Variants in FAT3 observed in about 807,000 individuals in gnomAD.
The protein encoded by FAT3 is protocadherin Fat 3.
Under a neutral mutation model 310.2 loss-of-function variants are expected in FAT3, and 95 were observed. The observed-to-expected ratio is 0.31, with a 90% CI of 0.26 to 0.36. The LOEUF (loss-of-function observed/expected upper bound fraction) is 0.36, where lower values mean the gene tolerates loss of function less well. FAT3 is among the 10% of genes least tolerant of loss of function. The pLI is 1.00. For missense variants in FAT3, 5,408 were observed against 5,715.6 expected (o/e 0.95, Z 1.74); for synonymous variants, 2,314 against 2,192.9 (o/e 1.06, Z -1.54).
At position 92,501,136 on chromosome 11, in the gene FAT3, C is replaced by T. The variant is rs577797818; in HGVS notation, c.3293-23498C>T. ...CATTCCACAAGCTTCAAATAGAAGC[C>T]GCTTTCTATTGTCTTGTACCTTTGG... On this transcript the variant is annotated intron_variant, in intron 2 of 27. Transcript: ENST00000525166. 6.6e-5 allele frequency among the ~76,000 whole-genome samples: 10 copies of T among 152,078 alleles called. No homozygotes were observed. In the South Asian group the frequency reaches 1.0e-3, roughly 16 times the overall value.
chr11:92,853,535 G>C (rs1346244598), intron 19 of FAT3, among the ~76,000 whole-genome samples: 1 of 152,150 alleles, frequency 6.6e-6, no homozygotes, highest in African/African-American at 2.4e-5. Context: ...CCATTCGTCA[G>C]GTCCTGAGTT....
intron 1 of FAT3, among the ~76,000 whole-genome samples, chr11:92,331,521 A>C (rs1353883632): frequency 6.6e-6 from 1 of 152,124 alleles, no homozygotes; most frequent in African/African-American, 2.4e-5. Flanking sequence ...CTTCTTATTA[A>C]AGTGTCTGTC....
intron 2 of FAT3, among the ~76,000 whole-genome samples, chr11:92,409,717 A>C (rs1950210765): frequency 6.6e-6 from 1 of 152,194 alleles, no homozygotes; most frequent in South Asian, 2.1e-4. Context: ...GTTCCATAAG[A>C]TAATGACCAT....
chr11:92,718,543 A>C lies in FAT3; in HGVS notation c.3669+21098A>C, dbSNP rs537252911. Among the ~76,000 whole-genome samples the C allele has an allele frequency of 1.9e-4, 29 of 152,264 alleles. No homozygotes were observed. The East Asian group carries it at 5.6e-3, about 29-fold the overall frequency. ...AAGGCTGTCAGCAGTCAAAATGAAA[A>C]ATGGCATCAATCTTGTTATTACTCT... On this transcript the variant is annotated intron_variant, in intron 4 of 27. Coordinates refer to ENST00000525166, the MANE Select transcript of FAT3 (RefSeq NM_001367949.2).
chr11:92,801,329 C>T lies in FAT3; in HGVS notation c.8316C>T (p.Asp2772=). ...CTATTAAGCTTGACAAACGCCTTGA[C>T]CGTGAAACCAGCCCAGCTTTCCACT... ...TGTIKLDKRL[D]RETSPAFHFK... Residue 2772 remains aspartate (D), a synonymous_variant, in exon 10 of 28, where the codon GAC becomes GAT. Coordinates refer to ENST00000525166, the MANE Select transcript of FAT3 (RefSeq NM_001367949.2). 1.2e-6 allele frequency: 2 copies of T among 1,613,980 alleles called. No homozygotes were observed. The highest frequency in any genetic ancestry group is 1.1e-5 in the South Asian group (1 of 91,082).
At chr11:92,882,502 G>C (rs1022958973) in intron 23 of FAT3, among the ~76,000 whole-genome samples, 1 of 151,152 alleles carries the variant, frequency 6.6e-6, no homozygotes, top group Non-Finnish European at 1.5e-5. Context: ...ACCTGGGAGA[G>C]ATTGGGTTGG....
chr11:92,375,740 C>T (rs1402675859), intron 2 of FAT3, among the ~76,000 whole-genome samples: 1 of 152,092 alleles, frequency 6.6e-6, no homozygotes, highest in Non-Finnish European at 1.5e-5. Flanking sequence ...ATGCCGATGC[C>T]AGAGTTGACT....
At chr11:92,656,092 A>G (rs1942571375) in intron 3 of FAT3, among the ~76,000 whole-genome samples, 1 of 152,174 alleles carries the variant, frequency 6.6e-6, no homozygotes, top group Admixed American at 6.5e-5. Context: ...TGGGGTTATG[A>G]GCCCCTAGAA....
chr11:92,445,276 T>C (rs763474857), intron 2 of FAT3, among the ~76,000 whole-genome samples: 2 of 152,206 alleles, frequency 1.3e-5, no homozygotes, highest in Non-Finnish European at 2.9e-5. Context: ...AGAATCACTT[T>C]AGAATTTTTT....
In FAT3 at chr11:92,822,354, C is replaced by A. The variant is rs998893902; in HGVS notation, c.9482-9268C>A. Among the ~76,000 whole-genome samples the A allele has an allele frequency of 2.4e-4, 37 of 151,734 alleles. 1 individual carries two copies. The highest frequency in any genetic ancestry group is 7.7e-4 in the African/African-American group (32 of 41,390). ...AAGCCTCTGAACTGCTAATTTGGAT[C>A]AGTCTGGATCGAACACTCGGCAATG... On this transcript the variant is annotated intron_variant, in intron 13 of 27. Coordinates refer to ENST00000525166, the MANE Select transcript of FAT3 (RefSeq NM_001367949.2).
chr11:92,463,973 G>A (rs914351865), intron 2 of FAT3, among the ~76,000 whole-genome samples: 1 of 152,114 alleles, frequency 6.6e-6, no homozygotes, highest in Non-Finnish European at 1.5e-5. Context: ...AATAAATGTT[G>A]GATACTAAGC....
At chr11:92,360,692 G>T (rs1948856961) in intron 2 of FAT3, among the ~76,000 whole-genome samples, 1 of 152,140 alleles carries the variant, frequency 6.6e-6, no homozygotes, top group African/African-American at 2.4e-5. Context: ...CTTTAATCAT[G>T]GATAATTGGG....
In FAT3 at chr11:92,441,506, G is replaced by T. The variant is rs183243853; in HGVS notation, c.3293-83128G>T. 1.1e-4 allele frequency among the ~76,000 whole-genome samples: 16 copies of T among 152,294 alleles called. No homozygotes were observed. In the South Asian group the frequency reaches 2.9e-3, roughly 28 times the overall value. ...GTGAATTATAGCCGACCCGCAGATC[G>T]GGAGGGGTGAGTATGACCAACTGGA... On this transcript the variant is annotated intron_variant, in intron 2 of 27. Coordinates refer to ENST00000525166, the MANE Select transcript of FAT3 (RefSeq NM_001367949.2).
intron 2 of FAT3, among the ~76,000 whole-genome samples, chr11:92,481,646 A>T (rs1952230142): frequency 6.6e-6 from 1 of 152,216 alleles, no homozygotes; most frequent in African/African-American, 2.4e-5. Context: ...TAAAACATAA[A>T]TGCTTTGTAC....
rs1472964109 is a variant in FAT3, at chr11:92,890,724, G to A, written c.13381G>A (p.Asp4461Asn). 1 of 1,613,510 alleles carries A rather than the reference G, an allele frequency of 6.2e-7. No individual in the cohort carries two copies. Among genetic ancestry groups the A allele is most frequent in the African/African-American group, 1.3e-5 (1 of 74,882 alleles). ...TCCTCCTCTCCCGGAGGACTTCCCA[G>A]ACCAATATGAGGCCCTGCCACCCTC... ...LPPPLPEDFP[D>N]QYEALPPSQP... is the part of the protein sequence containing the mutation. Residue 4461 changes from aspartate to asparagine, a missense_variant, in exon 28 of 28, where the codon GAC becomes AAC. Asp to Asn is a conservative substitution (Grantham distance 23). Coordinates refer to ENST00000525166, the MANE Select transcript of FAT3 (RefSeq NM_001367949.2).
chr11:92,228,110 AT>A, intron 1 of FAT3, among the ~76,000 whole-genome samples: 1 of 152,106 alleles, frequency 6.6e-6, no homozygotes, highest in African/African-American at 2.4e-5. Flanking sequence ...TAATGTCTTC[AT>A]ATCATCTGAA....
Position 92,801,330 on chromosome 11 carries a change from C to T in FAT3, c.8317C>T (p.Arg2773Cys), listed in dbSNP as rs780613312. 54 of 1,613,820 alleles carry T rather than the reference C, an allele frequency of 3.3e-5. No homozygotes were observed. Among genetic ancestry groups the T allele is most frequent in the South Asian group, 1.5e-4 (14 of 91,078 alleles). The change falls in exon 10 of 28, where the codon CGT becomes TGT. Residue 2773 changes from arginine to cysteine, a missense_variant. Physicochemically the swap from Arg to Cys is radical, Grantham distance 180 (BLOSUM62 -3). Coordinates refer to ENST00000525166, the MANE Select transcript of FAT3 (RefSeq NM_001367949.2). ...GTIKLDKRLD[R>C]ETSPAFHFKV... is the part of the protein sequence containing the mutation. Reference sequence around the variant, plus strand: ...TATTAAGCTTGACAAACGCCTTGACCGTGAAACCAGCCCAGCTTTCCACTT... The same window carrying T: ...TATTAAGCTTGACAAACGCCTTGACTGTGAAACCAGCCCAGCTTTCCACTT...
intron 2 of FAT3, among the ~76,000 whole-genome samples, chr11:92,412,706 T>G (rs1251336036): frequency 2.1e-4 from 2 of 9,544 alleles, no homozygotes; most frequent in African/African-American, 7.3e-4. Context: ...GGTGGTGATA[T>G]ATATATATAT....
intron 3 of FAT3, among the ~76,000 whole-genome samples, chr11:92,587,670 G>C (rs1456763699): frequency 6.6e-6 from 1 of 151,896 alleles, no homozygotes; most frequent in Non-Finnish European, 1.5e-5. Context: ...ATGGTGTCTT[G>C]AGAACATAGA....
Sources: gnomAD v4.1 joint callset for allele counts (sites outside exome capture counted in the v4.1 genomes callset) on GRCh38, gnomAD v4.1.1 for gene constraint, MANE v1.5 for transcripts, NCBI Gene and HGNC (gene_info 2026-07-23, HGNC 2026-07-21) for gene names.